Variants in RHCE observed in about 807,000 individuals in gnomAD.
RHCE encodes the protein Rh blood group CcEe antigens.
In RHCE, 22 loss-of-function variants were observed where a neutral mutation model predicts 43.8. That is an observed-to-expected ratio of 0.50 (90% CI 0.36 to 0.72). The LOEUF (loss-of-function observed/expected upper bound fraction) is 0.72, where lower values mean the gene tolerates loss of function less well. RHCE is among the 30% of genes least tolerant of loss of function. The probability of loss-of-function intolerance (pLI) is 0.00; values close to 1 mark genes in which losing one functional copy is unlikely to be tolerated. For synonymous variants in RHCE, 156 were observed against 210.7 expected (o/e 0.74, Z 2.25); for missense variants, 385 against 525.4 (o/e 0.73, Z 2.61).
At chr1:25,405,052 A>G (rs1314419298) in intron 2 of RHCE, among the ~76,000 whole-genome samples, 1 of 149,388 alleles carries the variant, frequency 6.7e-6, no homozygotes, top group African/African-American at 2.5e-5. Context: ...AAAAAAAAAA[A>G]GCTAGGCGTG....
intron 7 of RHCE, among the ~76,000 whole-genome samples, chr1:25,380,711 G>A (rs1645966338): frequency 6.6e-6 from 1 of 152,054 alleles, no homozygotes; most frequent in Admixed American, 6.6e-5. Context: ...CCAGAAATGT[G>A]GGGAGCAGAG....
chr1:25,370,851 C>T (rs1366224560), intron 8 of RHCE, among the ~76,000 whole-genome samples: 3 of 150,154 alleles, frequency 2.0e-5, no homozygotes, highest in Non-Finnish European at 2.9e-5. Context: ...CAGGTTCAAG[C>T]GATTCTCCTG....
rs1646977015 is a variant in RHCE at position 25,408,365 on chromosome 1, T to TA, written c.335+317dup. ...CTCTCTGTCTAACGTGTTTCCTTCT[T>TA]ACGTTTTCCATAAACTTATACTGAT... On this transcript the variant is annotated intron_variant, in intron 2 of 9. Coordinates refer to ENST00000294413, the MANE Select transcript of RHCE (RefSeq NM_020485.8). Among the ~76,000 whole-genome samples, 3 of 122,830 alleles carry TA rather than the reference T, an allele frequency of 2.4e-5. 1 individual carries two copies. Among genetic ancestry groups the TA allele is most frequent in the Non-Finnish European group, 5.6e-5 (3 of 53,954 alleles). The allele number at this position is 122,830 out of a possible 152,430, so 80.6% of individuals were successfully genotyped here.
At chr1:25,406,256 T>C (rs35142500) in intron 2 of RHCE, among the ~76,000 whole-genome samples, 15,825 of 103,096 alleles carry the variant, frequency 0.15, 3,493 homozygotes, top group African/African-American at 0.39. Context: ...CGTGCGTGTG[T>C]GTGTGTGTGT....
At chr1:25,407,170 A>C (rs1306751281) in intron 2 of RHCE, among the ~76,000 whole-genome samples, 2 of 122,332 alleles carry the variant, frequency 1.6e-5, no homozygotes, top group African/African-American at 5.1e-5. Flanking sequence ...TGATCTGCCC[A>C]CCTCAGCTCC....
At chr1:25,401,122 T>C (rs914213548) in intron 3 of RHCE, among the ~76,000 whole-genome samples, 1 of 152,192 alleles carries the variant, frequency 6.6e-6, no homozygotes, top group African/African-American at 2.4e-5. Context: ...TCTCCCTGTA[T>C]TTCTCAGAGT....
At chr1:25,404,169 C>CAAAAAAA (rs3079571) in intron 2 of RHCE, among the ~76,000 whole-genome samples, 7 of 90,942 alleles carry the variant, frequency 7.7e-5, no homozygotes, top group South Asian at 4.5e-4. Context: ...CTCTGTCTCA[C>CAAAAAAA]AAAAAAAAAA....
chr1:25,370,562 T>C (rs774615506), intron 8 of RHCE, 22 bp from the exon 9 acceptor site: 18 of 1,578,546 alleles, frequency 1.1e-5, no homozygotes, highest in Admixed American at 1.7e-5. Flanking sequence ...CATAATTTAA[T>C]GTTAAAAGAT....
upstream of RHCE, among the ~76,000 whole-genome samples, chr1:25,422,761 C>T (rs1316940213): frequency 1.3e-5 from 2 of 152,150 alleles, no homozygotes; most frequent in Non-Finnish European, 2.9e-5. Context: ...TTGTAGAAGA[C>T]AATTTTTCCA....
chr1:25,413,476 G>C (rs936884808), intron 1 of RHCE, among the ~76,000 whole-genome samples: 2 of 152,224 alleles, frequency 1.3e-5, no homozygotes, highest in African/African-American at 4.8e-5. Flanking sequence ...AAGGTGTTCA[G>C]GGGTGATAAG....
chr1:25,398,948 C>T (rs571220604), intron 3 of RHCE: 1 of 1,078,474 alleles, frequency 9.3e-7, no homozygotes, highest in South Asian at 1.2e-5. Flanking sequence ...GTGTTTTGCT[C>T]CCGGGTCTGC....
At position 25,392,790 on chromosome 1, in the gene RHCE, C is replaced by T. The variant is rs911637909; in HGVS notation, c.487-649G>A. Among the ~76,000 whole-genome samples the T allele has an allele frequency of 7.3e-5, 11 of 151,504 alleles. No individual in the cohort carries two copies. The East Asian group carries it at 7.8e-4, about 11-fold the overall frequency. On this transcript the variant is annotated intron_variant, in intron 3 of 9. Transcript: ENST00000294413. ...CTCACTATGTTGCTCAGGCTGGTCT[C>T]GAACTCCTGGGCTCAAGAGATCCTT...
At position 25,372,242 on chromosome 1, in the gene RHCE, G is replaced by A. The variant is rs143112856; in HGVS notation, c.1154-1702C>T. Among the ~76,000 whole-genome samples, 117 of 151,730 alleles carry A rather than the reference G, an allele frequency of 7.7e-4. 5 individuals are homozygous for A. Among genetic ancestry groups the A allele is most frequent in the African/African-American group, 2.7e-3 (109 of 41,114 alleles). On this transcript the variant is annotated intron_variant, in intron 8 of 9. Transcript: ENST00000294413. ...GTCCAGTTTTAAGAATTTGTTGGCC[G>A]GGCACAGTGGCTTATGCCTGTAATC...
At chr1:25,387,666 T>C (rs1465657983) in intron 6 of RHCE, among the ~76,000 whole-genome samples, 1 of 152,158 alleles carries the variant, frequency 6.6e-6, no homozygotes, top group Non-Finnish European at 1.5e-5. Context: ...AAGATGAAAA[T>C]CAGATTTGCC....
chr1:25,385,389 T>C, intron 7 of RHCE: 1 of 413,480 alleles, frequency 2.4e-6, no homozygotes, highest in Non-Finnish European at 4.6e-6. Flanking sequence ...AGCAAAGCTC[T>C]GCATCACGAC....
chr1:25,404,717 C>A (rs967051661), intron 2 of RHCE, among the ~76,000 whole-genome samples: 3 of 151,848 alleles, frequency 2.0e-5, no homozygotes, highest in African/African-American at 7.3e-5. Flanking sequence ...GCTGTGTGAT[C>A]CTGGGCAACT....
In RHCE at chr1:25,411,499, G is replaced by A; in HGVS notation, c.149-2630C>T. 3 of 1,527,082 alleles carry A rather than the reference G, an allele frequency of 2.0e-6. No homozygotes were observed. The South Asian group carries it at 3.7e-5, about 19-fold the overall frequency. The allele number at this position is 1,527,082 out of a possible 1,614,324, so 94.6% of individuals were successfully genotyped here. ...AGGGTCTGCCAGAGAGGACAAGGGA[G>A]GACACTGACATTTCCAAATCAACCT... On this transcript the variant is annotated intron_variant, in intron 1 of 9. Transcript: ENST00000294413.
At chr1:25,392,710 A>G (rs1369495017) in intron 3 of RHCE, among the ~76,000 whole-genome samples, 2 of 151,796 alleles carry the variant, frequency 1.3e-5, no homozygotes, top group Non-Finnish European at 2.9e-5. Flanking sequence ...AGCTGGGATT[A>G]CAGGAGTGCA....
chr1:25,378,616 C>T (rs1645859114), intron 7 of RHCE, among the ~76,000 whole-genome samples: 1 of 152,126 alleles, frequency 6.6e-6, no homozygotes, highest in South Asian at 2.1e-4. Flanking sequence ...ATTATAAACC[C>T]CTCAGCTACA....
Sources: allele counts gnomAD v4.1 joint callset (sites outside exome capture counted in the v4.1 genomes callset), GRCh38; gene constraint gnomAD v4.1.1; transcripts MANE v1.5; gene names NCBI Gene and HGNC (gene_info 2026-07-23, HGNC 2026-07-21).